Variants in ADAMTS10 observed in about 807,000 individuals in gnomAD.
The protein encoded by ADAMTS10 is A disintegrin and metalloproteinase with thrombospondin motifs 10.
A neutral mutation model predicts 135.9 loss-of-function variants in ADAMTS10; 48 were observed. That is an observed-to-expected ratio of 0.35 (90% CI 0.28 to 0.45). ADAMTS10 has a LOEUF of 0.45. Ranked by LOEUF, ADAMTS10 falls within the 20% of genes least tolerant of loss-of-function variation. ADAMTS10 has a pLI of 1.00. For synonymous variants in ADAMTS10, 621 were observed against 647.5 expected, an observed-to-expected ratio of 0.96 and a Z score of 0.62; for missense variants, 1,131 against 1,565.2, an observed-to-expected ratio of 0.72 and a Z score of 4.68.
intron 16 of ADAMTS10, 57 bp from the exon 17 acceptor site, chr19:8,589,642 G>T: frequency 3.7e-6 from 6 of 1,607,978 alleles, no homozygotes; most frequent in Non-Finnish European, 5.1e-6. Flanking sequence ...CTCTTTGCTT[G>T]CTCCCTGGGG....
intron 15 of ADAMTS10, among the ~76,000 whole-genome samples, chr19:8,591,227 AG>A (rs1220164454): frequency 1.3e-5 from 2 of 151,430 alleles, no homozygotes; most frequent in African/African-American, 4.9e-5. Context: ...ACTGGATGGT[AG>A]GGGGTTGTGA....
chr19:8,589,714 TG>T, intron 16 of ADAMTS10, 129 bp from the exon 17 acceptor site: 1 of 1,490,386 alleles, frequency 6.7e-7, no homozygotes. Context: ...GCAGAGGGAG[TG>T]GGGGCTCCCA....
At chr19:8,592,465 A>C (rs529791885) in intron 13 of ADAMTS10, among the ~76,000 whole-genome samples, 12 of 142,326 alleles carry the variant, frequency 8.4e-5, no homozygotes, top group South Asian at 2.4e-4. Context: ...AATGAGGGAG[A>C]GAGCAAACAG....
At position 8,592,198 on chromosome 19, in the gene ADAMTS10, T is replaced by C. The variant is rs533172151; in HGVS notation, c.1588-95A>G. ...CCACTCCAGGCCCCAGCCAGAGATA[T>C]CAGCCTCTCCGGGATGGGCAGAGGC... On this transcript the variant is annotated intron_variant, in intron 13 of 25. Coordinates refer to ENST00000597188, the MANE Select transcript of ADAMTS10 (RefSeq NM_030957.4). 1,510 of 1,311,298 alleles carry C rather than the reference T, an allele frequency of 1.2e-3. 14 individuals are homozygous for C. The African/African-American group carries it at 0.033, about 29-fold the overall frequency. The allele number at this position is 1,311,298 out of a possible 1,614,324, so 81.2% of individuals were successfully genotyped here. A position where few individuals can be genotyped will look rare whatever the true frequency, so the allele number is the denominator to read the frequency against.
intron 2 of ADAMTS10, among the ~76,000 whole-genome samples, chr19:8,607,359 CTG>C (rs1175868694): frequency 3.9e-5 from 6 of 152,172 alleles, no homozygotes; most frequent in Non-Finnish European, 8.8e-5. Flanking sequence ...CTCCTCCACC[CTG>C]TGTTTCTGAC....
chr19:8,586,963 C>T lies in ADAMTS10; in HGVS notation c.2159-67G>A, dbSNP rs77259714. 52,703 of 1,534,294 alleles carry T rather than the reference C, an allele frequency of 0.034. 1,162 individuals are homozygous for T. Among genetic ancestry groups the T allele is most frequent in the Non-Finnish European group, 0.04 (43,806 of 1,108,020 alleles). On this transcript the variant is annotated intron_variant, in intron 18 of 25. Transcript: ENST00000597188. ...CAACACCTGCCTGCCTCCCCTGTCC[C>T]CGGCCCATGAGGATAACAGCTAACT...
intron 12 of ADAMTS10, among the ~76,000 whole-genome samples, chr19:8,594,243 T>A (rs1363764143): frequency 1.3e-5 from 2 of 152,216 alleles, no homozygotes; most frequent in African/African-American, 4.8e-5. Flanking sequence ...TTCCCCTCTC[T>A]GGGCCTCAGT....
At position 8,584,909 on chromosome 19, in the gene ADAMTS10, C is replaced by T. The variant is rs782317309; in HGVS notation, c.3188G>A (p.Gly1063Glu). The T allele has an allele frequency of 1.7e-5, 26 of 1,548,898 alleles. 2 individuals carry two copies. In the South Asian group the frequency reaches 2.9e-4, roughly 17 times the overall value. The change falls in exon 25 of 26, where the codon GGG becomes GAG. Residue 1063 changes from glycine (G) to glutamate (E), a missense_variant. This residue lies in a region of ADAMTS10 where 745 missense variants were observed against 1,056.3 expected (regional missense o/e 0.71). Transcript: ENST00000597188. ...CACCCACATACCTTCAGGGCCGTCC[C>T]CGGGGGTTGGGCTGTCGCACTTGGC... ...CEAKCDSPTP[G>E]DGPEECKDVN...
At chr19:8,600,150 A>G (rs2042647145) in intron 6 of ADAMTS10, among the ~76,000 whole-genome samples, 1 of 152,176 alleles carries the variant, frequency 6.6e-6, no homozygotes. Context: ...CTTATATGCC[A>G]CCTACTGCAT....
chr19:8,608,880 A>C lies in ADAMTS10; in HGVS notation c.-214-632T>G, dbSNP rs73922182. On this transcript the variant is annotated intron_variant, in intron 1 of 25. Transcript: ENST00000597188. ...CAGGGGGTGAGGACAGGGGAAGGGG[A>C]CTCACCTGTGCACAGTGTATGGGGT... is the stretch of plus-strand genomic sequence containing the variant. Among the ~76,000 whole-genome samples, 900 of 150,122 alleles carry C rather than the reference A, an allele frequency of 6.0e-3. 12 individuals carry two copies. The highest frequency in any genetic ancestry group is 0.021 in the African/African-American group (857 of 40,748).
chr19:8,604,606 T>C (rs1286035256), intron 4 of ADAMTS10, among the ~76,000 whole-genome samples: 3 of 151,718 alleles, frequency 2.0e-5, no homozygotes, highest in African/African-American at 7.3e-5. Context: ...CTCAGCCTCC[T>C]GAGTAGCTAG....
chr19:8,607,276 C>T lies in ADAMTS10; in HGVS notation c.-100+858G>A, dbSNP rs115318172. ...CTGCAGACTTTCATATGCCCACCCACGCACCCACTGTCTTGGGCCATCTTT... is the reference window on the plus strand; with the variant it reads ...CTGCAGACTTTCATATGCCCACCCATGCACCCACTGTCTTGGGCCATCTTT... On this transcript the variant is annotated intron_variant, in intron 2 of 25. Coordinates refer to ENST00000597188, the MANE Select transcript of ADAMTS10 (RefSeq NM_030957.4). 3.0e-3 allele frequency among the ~76,000 whole-genome samples: 450 copies of T among 152,286 alleles called. 3 individuals carry two copies. Among genetic ancestry groups the T allele is most frequent in the African/African-American group, 0.01 (434 of 41,554 alleles).
At chr19:8,598,545 CCCGT>C (rs2042629288) in intron 6 of ADAMTS10, among the ~76,000 whole-genome samples, 1 of 149,436 alleles carries the variant, frequency 6.7e-6, no homozygotes, top group Non-Finnish European at 1.5e-5. Context: ...TAATCATTTC[CCCGT>C]CTGGAAATCC....
At chr19:8,609,620 T>TGCGGGAGGAGGGGGCCGGCGCCC (rs2042759296) in intron 1 of ADAMTS10, among the ~76,000 whole-genome samples, 1 of 151,868 alleles carries the variant, frequency 6.6e-6, no homozygotes, top group Non-Finnish European at 1.5e-5. Context: ...AGCCGGGGCC[T>TGCGGGAGGAGGGGGCCGGCGCCC]GCGGGAGGAG....
intron 6 of ADAMTS10, among the ~76,000 whole-genome samples, chr19:8,600,689 G>C (rs779740115): frequency 6.6e-6 from 1 of 151,830 alleles, no homozygotes; most frequent in Non-Finnish European, 1.5e-5. Flanking sequence ...TAGTAGAGAT[G>C]GGGTTTCACC....
At chr19:8,583,907 C>T (rs536701808) in intron 25 of ADAMTS10, among the ~76,000 whole-genome samples, 1 of 151,816 alleles carries the variant, frequency 6.6e-6, no homozygotes, top group African/African-American at 2.4e-5. Context: ...GCCTTTAATC[C>T]CAGCACTTTG....
intron 6 of ADAMTS10, among the ~76,000 whole-genome samples, chr19:8,598,641 A>G (rs1247067459): frequency 3.0e-5 from 4 of 135,408 alleles, no homozygotes; most frequent in African/African-American, 1.1e-4. Context: ...CAGTGGCGCA[A>G]TCTTGGCTCA....
intron 13 of ADAMTS10, 86 bp from the exon 14 acceptor site, chr19:8,592,189 C>G: frequency 6.3e-7 from 1 of 1,598,842 alleles, no homozygotes; most frequent in South Asian, 1.1e-5. Flanking sequence ...CAGGCCCCAG[C>G]CAGAGATATC....
rs140410184 is a variant in ADAMTS10 at position 8,603,313 on chromosome 19, C to T, written c.592+415G>A. Among the ~76,000 whole-genome samples the T allele has an allele frequency of 5.9e-5, 9 of 152,210 alleles. No homozygotes were observed. In the East Asian group the frequency reaches 1.2e-3, roughly 20 times the overall value. Reference sequence around the variant, plus strand: ...TTTTTGAGACGGAGTCTTGCTGTGTCGCCCAGGCTGGGGTGCAATGGCGTG... The same window carrying T: ...TTTTTGAGACGGAGTCTTGCTGTGTTGCCCAGGCTGGGGTGCAATGGCGTG... On this transcript the variant is annotated intron_variant, in intron 5 of 25. Coordinates refer to ENST00000597188, the MANE Select transcript of ADAMTS10 (RefSeq NM_030957.4).
Sources: gnomAD v4.1 joint callset for allele counts (sites outside exome capture counted in the v4.1 genomes callset) on GRCh38, gnomAD v4.1.1 for gene constraint, gnomAD v4.1.1 regional missense constraint, MANE v1.5 for transcripts, NCBI Gene and HGNC (gene_info 2026-07-23, HGNC 2026-07-21) for gene names.